The following ARVCF variants were observed in gnomAD, a reference collection of about 807,000 sequenced individuals.
ARVCF encodes the protein ARVCF delta catenin family member, also known as splicing regulator ARVCF.
ARVCF carries 66 observed loss-of-function variants against 90.9 expected under a neutral mutation model. The ratio of observed to expected loss-of-function variants is 0.73; its 90% CI spans 0.60 to 0.89. ARVCF has a LOEUF of 0.89. ARVCF is among the 40% of genes least tolerant of loss of function. ARVCF has a pLI of 0.00. For synonymous variants in ARVCF, 653 were observed against 603.4 expected, an observed-to-expected ratio of 1.08 and a Z score of -1.21; for missense variants, 1,469 against 1,382.3, an observed-to-expected ratio of 1.06 and a Z score of -1.00.
chr22:19,995,078 A>G (rs1944194335), intron 2 of ARVCF, among the ~76,000 whole-genome samples: 1 of 150,552 alleles, frequency 6.6e-6, no homozygotes, highest in Admixed American at 6.6e-5. Context: ...GATGAGTAAT[A>G]GATTTGTGGG....
At chr22:19,975,579 T>C (rs142543001) in intron 11 of ARVCF, 107 bp downstream of exon 11, 2 of 1,276,714 alleles carry the variant, frequency 1.6e-6, no homozygotes, top group Non-Finnish European at 1.1e-6. Context: ...TCCCCATCTG[T>C]TCCCTGAGGC....
Position 19,970,795 on chromosome 22 carries a change from C to A in ARVCF, c.*13-52G>T. The A allele has an allele frequency of 5.4e-6, 7 of 1,293,678 alleles. No individual in the cohort carries two copies. In the South Asian group the frequency reaches 7.4e-5, roughly 14 times the overall value. 80.1% of individuals were successfully genotyped at this position (1,293,678 alleles called of 1,614,324 possible). ...GCTGCAGCCACTGAGTGGCACAGGA[C>A]CACGTGTAACCTCAGGGCAGGGCAG... On this transcript the variant is annotated intron_variant, in intron 19 of 19. Transcript: ENST00000263207.
downstream of ARVCF, among the ~76,000 whole-genome samples, chr22:19,965,984 G>A (rs1942370245): frequency 1.3e-5 from 2 of 152,248 alleles, no homozygotes; most frequent in South Asian, 2.1e-4. Context: ...CTGGGCCTGC[G>A]TTACTGCGGC....
chr22:19,989,585 T>C (rs1279334602), intron 3 of ARVCF, among the ~76,000 whole-genome samples: 3 of 152,072 alleles, frequency 2.0e-5, no homozygotes, highest in South Asian at 4.1e-4. Flanking sequence ...TCCTGGCATG[T>C]GTGTGCCAGG....
chr22:19,979,802 G>C lies in ARVCF; in HGVS notation c.1337C>G (p.Pro446Arg), dbSNP rs1943379507. ...AGCCCTCAGCAGGCGCACCAGGGCA[G>C]GCACACCACCGCAGTCCCGGATGGC... ...KAAIRDCGGV[P>R]ALVRLLRAAR... The change falls in exon 6 of 20, where the codon CCT becomes CGT. Residue 446 changes from proline to arginine, a missense_variant. Pro to Arg is a moderately radical substitution (Grantham distance 103). Coordinates refer to ENST00000263207, the MANE Select transcript of ARVCF (RefSeq NM_001670.3). The C allele has an allele frequency of 1.2e-6, 2 of 1,609,144 alleles. No individual in the cohort carries two copies. Among genetic ancestry groups the C allele is most frequent in the Non-Finnish European group, 1.7e-6 (2 of 1,178,414 alleles).
At chr22:19,988,918 G>T (rs541502912) in intron 3 of ARVCF, among the ~76,000 whole-genome samples, 362 of 152,320 alleles carry the variant, frequency 2.4e-3, no homozygotes, top group Non-Finnish European at 3.1e-3. Flanking sequence ...CTGAGGTCTT[G>T]AAGTCTTTTG....
intron 2 of ARVCF, among the ~76,000 whole-genome samples, chr22:20,008,792 GA>G (rs1362821776): frequency 6.6e-6 from 1 of 152,230 alleles, no homozygotes; most frequent in African/African-American, 2.4e-5. Flanking sequence ...GGGCAGACAT[GA>G]AAAACCAATC....
chr22:19,996,346 A>C (rs188515687), intron 2 of ARVCF, among the ~76,000 whole-genome samples: 1 of 150,756 alleles, frequency 6.6e-6, no homozygotes, highest in Admixed American at 6.6e-5. Context: ...CAGTGTGGTC[A>C]TGTTTTTTAA....
rs755842063 is a variant in ARVCF at position 19,971,220 on chromosome 22, C to A, written c.*8G>T. 2.3e-5 allele frequency: 36 copies of A among 1,552,538 alleles called. No individual in the cohort carries two copies. The highest frequency in any genetic ancestry group is 3.0e-5 in the Non-Finnish European group (34 of 1,147,382). On this transcript the variant is annotated 3_prime_UTR_variant, in exon 19 of 20. Coordinates refer to ENST00000263207, the MANE Select transcript of ARVCF (RefSeq NM_001670.3). ...CAACCAGATGAGAGAACGTACCAGG[C>A]ATGCAAGCTAGACCCAGGAATCAAC...
intron 2 of ARVCF, among the ~76,000 whole-genome samples, chr22:20,000,047 T>C (rs546470986): frequency 6.6e-6 from 1 of 152,334 alleles, no homozygotes; most frequent in African/African-American, 2.4e-5. Flanking sequence ...GACAACAGCC[T>C]GTCCCCTGAA....
intron 3 of ARVCF, chr22:19,986,797 A>T: frequency 2.5e-6 from 1 of 393,702 alleles, no homozygotes; most frequent in Non-Finnish European, 4.6e-6. Flanking sequence ...TGCCAAGAGG[A>T]GGGTCAAACT....
chr22:19,968,800 C>T, downstream of ARVCF: 2 of 1,492,606 alleles, frequency 1.3e-6, no homozygotes, highest in Non-Finnish European at 9.2e-7. Context: ...GCCAGACGTG[C>T]TCCTGCTGAC....
chr22:19,989,491 G>A (rs965926118), intron 3 of ARVCF, among the ~76,000 whole-genome samples: 1 of 152,168 alleles, frequency 6.6e-6, no homozygotes, highest in African/African-American at 2.4e-5. Context: ...CCAGCCAGGT[G>A]AGGAGAGCCC....
chr22:20,007,607 C>G (rs1435637183), intron 2 of ARVCF, among the ~76,000 whole-genome samples: 1 of 152,214 alleles, frequency 6.6e-6, no homozygotes, highest in Non-Finnish European at 1.5e-5. Context: ...AAGGGCTCTG[C>G]TACATGAATG....
chr22:20,000,845 A>G (rs1601662399), intron 2 of ARVCF, among the ~76,000 whole-genome samples: 1 of 152,140 alleles, frequency 6.6e-6, no homozygotes, highest in African/African-American at 2.4e-5. Flanking sequence ...CCAGACACGG[A>G]ATCTGCTGGC....
At chr22:19,975,785 G>C in intron 10 of ARVCF, 28 bp from the exon 11 acceptor site, 1 of 1,611,216 alleles carries the variant, frequency 6.2e-7, no homozygotes. Context: ...TGGGAGGTGA[G>C]GCAGACCCCA....
At chr22:19,980,354 C>A in intron 5 of ARVCF, 112 bp from the exon 6 acceptor site, 1 of 1,377,004 alleles carries the variant, frequency 7.3e-7, no homozygotes, top group South Asian at 1.6e-5. Context: ...CAGCGCTGGG[C>A]TGAGAGCACC....
intron 11 of ARVCF, among the ~76,000 whole-genome samples, chr22:19,974,642 A>C (rs1213078184): frequency 6.6e-6 from 1 of 152,072 alleles, no homozygotes; most frequent in Non-Finnish European, 1.5e-5. Context: ...AGTAACTGAG[A>C]GTTGTATAAC....
rs561268088 is a variant in ARVCF, at chr22:20,005,329, G to A, written c.-19+5126C>T. Among the ~76,000 whole-genome samples, 5 of 151,282 alleles carry A rather than the reference G, an allele frequency of 3.3e-5. 1 individual carries two copies. The South Asian group carries it at 1.0e-3, about 32-fold the overall frequency. On this transcript the variant is annotated intron_variant, in intron 2 of 19. Transcript: ENST00000263207. ...TATCATTAGGGAAGAGCAAATCAAG[G>A]CTGCAATGAAATATCACCTTACACC...
Sources: gnomAD v4.1 joint callset for allele counts (sites outside exome capture counted in the v4.1 genomes callset) on GRCh38, gnomAD v4.1.1 for gene constraint, MANE v1.5 for transcripts, NCBI Gene and HGNC (gene_info 2026-07-23, HGNC 2026-07-21) for gene names.